The following RBBP4 variants were observed in gnomAD, a reference collection of about 807,000 sequenced individuals.
The protein encoded by RBBP4 is histone-binding protein RBBP4.
RBBP4 carries 3 observed loss-of-function variants against 57.2 expected under a neutral mutation model. The observed-to-expected ratio is 0.05, with a 90% CI of 0.02 to 0.14. The LOEUF (loss-of-function observed/expected upper bound fraction) is 0.14, where lower values mean the gene tolerates loss of function less well. Among genes scored for constraint, RBBP4 ranks in the 10% least tolerant of loss-of-function variants. RBBP4 has a pLI of 1.00. For synonymous variants in RBBP4, 151 were observed against 171.5 expected, an observed-to-expected ratio of 0.88 and a Z score of 0.93; for missense variants, 107 against 520.6, an observed-to-expected ratio of 0.21 and a Z score of 7.73.
Position 32,684,071 on chromosome 1 carries a change from C to T in RBBP4, c.*4366C>T, listed in dbSNP as rs144386956. On this transcript the variant is annotated 3_prime_UTR_variant, in exon 12 of 12. Coordinates refer to ENST00000373493, the MANE Select transcript of RBBP4 (RefSeq NM_005610.3). ...TGGGAGCATCAGCCTGTTCCAGGCT[C>T]TTGGGTAGTAGCATAGCCCTTTAAA... 42 of 1,613,906 alleles carry T rather than the reference C, an allele frequency of 2.6e-5. No homozygotes were observed. Among genetic ancestry groups the T allele is most frequent in the Non-Finnish European group, 3.4e-5 (40 of 1,180,034 alleles).
In RBBP4 at chr1:32,680,734, C is replaced by T; in HGVS notation, c.*1029C>T. 1 of 547,952 alleles carries T rather than the reference C, an allele frequency of 1.8e-6. No individual in the cohort carries two copies. The highest frequency in any genetic ancestry group is 3.2e-6 in the Non-Finnish European group (1 of 310,572). 33.9% of individuals were successfully genotyped at this position (547,952 alleles called of 1,614,324 possible). On this transcript the variant is annotated 3_prime_UTR_variant, in exon 12 of 12. Transcript: ENST00000373493. ...GCTTCTAGAAGAGTCCTTCAGATGA[C>T]AGTTGTTGTCCATGGTCTTTGACTA...
At chr1:32,652,454 C>G (rs1647836995) in intron 2 of RBBP4, 1 of 182,812 alleles carries the variant, frequency 5.5e-6, no homozygotes, top group African/African-American at 2.4e-5. Flanking sequence ...GAGTTGGAGA[C>G]CAGCCCTGGG....
In RBBP4 at chr1:32,669,279, T is replaced by C. The variant is rs929716749; in HGVS notation, c.810T>C (p.Asp270=). ...CTTCCAAACCAAGCCACTCAGTTGATGCTCACACTGCTGAAGTGAACTGCC... is the reference window on the plus strand; with the variant it reads ...CTTCCAAACCAAGCCACTCAGTTGACGCTCACACTGCTGAAGTGAACTGCC... ...NNTSKPSHSV[D]AHTAEVNCLS... The change falls in exon 7 of 12, where the codon GAT becomes GAC. Residue 270 remains aspartate (D), a synonymous_variant. Transcript: ENST00000373493. The surrounding 1 kb of genome is among the most constrained non-coding windows in gnomAD (Gnocchi z 4.9). 6.2e-7 allele frequency: 1 copy of C among 1,612,890 alleles called. No individual in the cohort carries two copies.
Position 32,681,884 on chromosome 1 carries a change from T to C in RBBP4, c.*2179T>C, listed in dbSNP as rs2148539415. ...CCCTGTAAAGTTGAAAGAAAAAGTT[T>C]ATAACAGTGAACTTCTGAGGTTTAG... On this transcript the variant is annotated 3_prime_UTR_variant, in exon 12 of 12. Transcript: ENST00000373493. 6.2e-7 allele frequency: 1 copy of C among 1,607,560 alleles called. No homozygotes were observed. Among genetic ancestry groups the C allele is most frequent in the East Asian group, 2.2e-5 (1 of 44,852 alleles).
Position 32,683,772 on chromosome 1 carries a change from A to G in RBBP4, c.*4067A>G, listed in dbSNP as rs545280403. The G allele has an allele frequency of 2.5e-4, 112 of 441,464 alleles. No homozygotes were observed. The highest frequency in any genetic ancestry group is 1.9e-3 in the African/African-American group (95 of 49,764). 27.3% of individuals were successfully genotyped at this position (441,464 alleles called of 1,614,324 possible). On this transcript the variant is annotated 3_prime_UTR_variant, in exon 12 of 12. Transcript: ENST00000373493. Reference sequence around the variant, plus strand: ...CTTGGCCTCCTGAGTAGCTGGGATTATAAGTGCCTGCCACTATGCCCGGCT... The same window carrying G: ...CTTGGCCTCCTGAGTAGCTGGGATTGTAAGTGCCTGCCACTATGCCCGGCT...
At chr1:32,666,965 C>T (rs1648680082) in intron 3 of RBBP4, among the ~76,000 whole-genome samples, 1 of 152,158 alleles carries the variant, frequency 6.6e-6, no homozygotes, top group African/African-American at 2.4e-5. Flanking sequence ...AAGAGGTGAG[C>T]CCTCTGTCAC....
In RBBP4 at chr1:32,684,815, A is replaced by G. The variant is rs1649708571; in HGVS notation, c.*5110A>G. On this transcript the variant is annotated 3_prime_UTR_variant, in exon 12 of 12. Coordinates refer to ENST00000373493, the MANE Select transcript of RBBP4 (RefSeq NM_005610.3). ...TACAAAAGTGTGGCAACAATTATTA[A>G]ATATTGGCTAGAATTCTAGGAGAGT... is the stretch of plus-strand genomic sequence containing the variant. 6.4e-6 allele frequency: 1 copy of G among 156,632 alleles called. No homozygotes were observed. Among genetic ancestry groups the G allele is most frequent in the Admixed American group, 6.2e-5 (1 of 16,146 alleles). 9.7% of individuals were successfully genotyped at this position (156,632 alleles called of 1,614,324 possible). A position where few individuals can be genotyped will look rare whatever the true frequency, so the allele number is the denominator to read the frequency against.
At chr1:32,672,362 A>C (rs1287856433) in intron 8 of RBBP4, 88 bp from the exon 9 acceptor site, 2 of 1,081,656 alleles carry the variant, frequency 1.8e-6, no homozygotes, top group Non-Finnish European at 2.7e-6. Context: ...TTTATTTACA[A>C]AATTTTTAAA....
rs1387821422 is a variant in RBBP4 at position 32,669,987 on chromosome 1, T to C, written c.966+424T>C. ...AGAAATCTATATGCCTATGCTACTT[T>C]CTGTGGGAATTGTTTTTTCTTTGTT... On this transcript the variant is annotated intron_variant, in intron 8 of 11. Coordinates refer to ENST00000373493, the MANE Select transcript of RBBP4 (RefSeq NM_005610.3). The surrounding 1 kb of genome is among the most constrained non-coding windows in gnomAD (Gnocchi z 4.9). Among the ~76,000 whole-genome samples the C allele has an allele frequency of 6.6e-6, 1 of 152,252 alleles. No individual in the cohort carries two copies. The highest frequency in any genetic ancestry group is 2.4e-5 in the African/African-American group (1 of 41,472).
intron 2 of RBBP4, among the ~76,000 whole-genome samples, chr1:32,657,074 G>A (rs1363746828): frequency 1.3e-5 from 2 of 152,098 alleles, no homozygotes; most frequent in East Asian, 1.9e-4. Context: ...CCAGGCGTTC[G>A]AGACCAGCCT....
rs1292302188 is a variant in RBBP4, at chr1:32,669,735, A to G, written c.966+172A>G. Among the ~76,000 whole-genome samples the G allele has an allele frequency of 6.6e-6, 1 of 152,098 alleles. No individual in the cohort carries two copies. Among genetic ancestry groups the G allele is most frequent in the Non-Finnish European group, 1.5e-5 (1 of 68,028 alleles). Reference sequence around the variant, plus strand: ...GAAACCCTGTCTCTACTAAAAATATAAAAAATTAGCCGGGCATGGTGGCGG... The same window carrying G: ...GAAACCCTGTCTCTACTAAAAATATGAAAAATTAGCCGGGCATGGTGGCGG... On this transcript the variant is annotated intron_variant, in intron 8 of 11. Coordinates refer to ENST00000373493, the MANE Select transcript of RBBP4 (RefSeq NM_005610.3). The surrounding 1 kb of genome is among the most constrained non-coding windows in gnomAD (Gnocchi z 4.9).
intron 11 of RBBP4, among the ~76,000 whole-genome samples, 171 bp from the exon 12 acceptor site, chr1:32,679,469 T>C (rs1570879332): frequency 6.6e-6 from 1 of 152,220 alleles, no homozygotes; most frequent in Non-Finnish European, 1.5e-5. Context: ...TTACCCATTA[T>C]AGGTTGTCTC....
chr1:32,680,265 T>G lies in RBBP4; in HGVS notation c.*560T>G, dbSNP rs1649340748. 1 of 1,223,206 alleles carries G rather than the reference T, an allele frequency of 8.2e-7. No homozygotes were observed. The allele number at this position is 1,223,206 out of a possible 1,614,324, so 75.8% of individuals were successfully genotyped here. On this transcript the variant is annotated 3_prime_UTR_variant, in exon 12 of 12. Transcript: ENST00000373493. ...CAACACGTTCCTCTTTCCCCATATATTCATATATTTTTGCTCGTTAGTGTA... is the reference window on the plus strand; with the variant it reads ...CAACACGTTCCTCTTTCCCCATATAGTCATATATTTTTGCTCGTTAGTGTA...
chr1:32,670,394 A>G (rs545592579), intron 8 of RBBP4, among the ~76,000 whole-genome samples: 1 of 152,230 alleles, frequency 6.6e-6, no homozygotes, highest in Non-Finnish European at 1.5e-5. Context: ...GTGTTCCATT[A>G]TTGGAACGCT....
intron 2 of RBBP4, chr1:32,652,540 A>T (rs977614740): frequency 6.5e-6 from 1 of 153,080 alleles, no homozygotes; most frequent in African/African-American, 2.4e-5. Flanking sequence ...TACAACAAAA[A>T]TTTTTTGTTT....
chr1:32,651,888 C>T (rs746834179), intron 1 of RBBP4, 26 bp from the exon 2 acceptor site: 26 of 1,611,124 alleles, frequency 1.6e-5, no homozygotes, highest in Non-Finnish European at 2.2e-5. Context: ...TGTTTGCTAA[C>T]TTAAATTTGT....
In RBBP4 at chr1:32,681,949, A is replaced by G. The variant is rs1649466818; in HGVS notation, c.*2244A>G. The G allele has an allele frequency of 8.3e-7, 1 of 1,203,948 alleles. No homozygotes were observed. The highest frequency in any genetic ancestry group is 1.5e-5 in the African/African-American group (1 of 66,442). 74.6% of individuals were successfully genotyped at this position (1,203,948 alleles called of 1,614,324 possible). On this transcript the variant is annotated 3_prime_UTR_variant, in exon 12 of 12. Coordinates refer to ENST00000373493, the MANE Select transcript of RBBP4 (RefSeq NM_005610.3). ...GTTGAGAAGAGATTGTTACAGTGTG[A>G]TTTATGGATGATCAGGGATGACTTT...
intron 11 of RBBP4, chr1:32,673,527 T>C (rs1218177592): frequency 2.4e-6 from 1 of 414,958 alleles, no homozygotes. Context: ...AACTTCCACC[T>C]CCCAGGTTCG....
intron 3 of RBBP4, among the ~76,000 whole-genome samples, chr1:32,660,142 T>C (rs1284921779): frequency 6.6e-6 from 1 of 152,232 alleles, no homozygotes; most frequent in Non-Finnish European, 1.5e-5. Flanking sequence ...TATTTCCTTT[T>C]GAGTTACCTC....
Sources: gnomAD v4.1 joint callset for allele counts (sites outside exome capture counted in the v4.1 genomes callset) on GRCh38, gnomAD v4.1.1 for gene constraint, Gnocchi (gnomAD v3.1) non-coding constraint, MANE v1.5 for transcripts, NCBI Gene and HGNC (gene_info 2026-07-23, HGNC 2026-07-21) for gene names.